The following IGSF11 variants were observed in gnomAD, a reference collection of about 807,000 sequenced individuals.
IGSF11 encodes immunoglobulin superfamily member 11, also known as CXADR like 1.
IGSF11 carries 22 observed loss-of-function variants against 41.0 expected under a neutral mutation model. The observed-to-expected ratio is 0.54, with a 90% CI of 0.38 to 0.77. IGSF11 has a LOEUF of 0.77. Ranked by LOEUF, IGSF11 falls within the 30% of genes least tolerant of loss-of-function variation. The probability of loss-of-function intolerance (pLI) is 0.00; values close to 1 mark genes in which losing one functional copy is unlikely to be tolerated. For synonymous variants in IGSF11, 219 were observed against 201.3 expected (o/e 1.09, Z -0.74); for missense variants, 444 against 530.8 (o/e 0.84, Z 1.61).
intron 1 of IGSF11, among the ~76,000 whole-genome samples, chr3:119,123,632 C>A (rs1391356798): frequency 6.6e-6 from 1 of 152,174 alleles, no homozygotes; most frequent in Non-Finnish European, 1.5e-5. Context: ...TCTGTCATCC[C>A]ACTCCCAGCT....
intron 1 of IGSF11, among the ~76,000 whole-genome samples, chr3:119,042,136 G>A (rs935864176): frequency 5.3e-5 from 8 of 152,174 alleles, no homozygotes; most frequent in African/African-American, 1.9e-4. Flanking sequence ...ACCACACTGA[G>A]GTTAAAGGAA....
chr3:118,909,937 T>C (rs148659492), intron 4 of IGSF11, among the ~76,000 whole-genome samples: 1 of 152,344 alleles, frequency 6.6e-6, no homozygotes, highest in East Asian at 1.9e-4. Context: ...TCAGCATTAT[T>C]TGAATAATGT....
chr3:119,092,089 G>A (rs1047092350), intron 1 of IGSF11, among the ~76,000 whole-genome samples: 5 of 151,350 alleles, frequency 3.3e-5, no homozygotes, highest in Non-Finnish European at 5.9e-5. Flanking sequence ...TCGGCTCACT[G>A]AAACCTCCGC....
chr3:119,084,961 C>T (rs1193128582), intron 1 of IGSF11, among the ~76,000 whole-genome samples: 8 of 152,110 alleles, frequency 5.3e-5, no homozygotes, highest in Non-Finnish European at 4.4e-5. Context: ...GGTTCACAGG[C>T]TGGTGTGGAA....
chr3:118,969,734 T>A (rs1243113978), intron 1 of IGSF11, among the ~76,000 whole-genome samples: 1 of 152,192 alleles, frequency 6.6e-6, no homozygotes, highest in Admixed American at 6.5e-5. Flanking sequence ...CAGGGTAATC[T>A]CAATTTCTGG....
chr3:119,075,950 CA>C (rs2076487642), intron 1 of IGSF11, among the ~76,000 whole-genome samples: 1 of 152,170 alleles, frequency 6.6e-6, no homozygotes. Flanking sequence ...CCCTCATTGA[CA>C]AGTCAATCCT....
chr3:119,062,443 C>T lies in IGSF11; in HGVS notation c.49+42701G>A, dbSNP rs116533311. Among the ~76,000 whole-genome samples, 837 of 152,290 alleles carry T rather than the reference C, an allele frequency of 5.5e-3. 6 individuals are homozygous for T. The highest frequency in any genetic ancestry group is 0.019 in the African/African-American group (776 of 41,560). On this transcript the variant is annotated intron_variant, in intron 1 of 6. Transcript: ENST00000354673. ...CTCTGTCCTTCCATTGAATTTGCACCGCTCTTGTGCAGTCTTTCATCAATT... is the reference window on the plus strand; with the variant it reads ...CTCTGTCCTTCCATTGAATTTGCACTGCTCTTGTGCAGTCTTTCATCAATT...
chr3:119,135,122 T>C (rs535535350), intron 1 of IGSF11, among the ~76,000 whole-genome samples: 1 of 152,128 alleles, frequency 6.6e-6, no homozygotes, highest in Non-Finnish European at 1.5e-5. Context: ...GAAGAAAACC[T>C]AGGCAATACC....
intron 1 of IGSF11, among the ~76,000 whole-genome samples, chr3:118,965,179 T>C (rs1258220018): frequency 6.6e-6 from 1 of 152,176 alleles, no homozygotes; most frequent in Non-Finnish European, 1.5e-5. Flanking sequence ...TACTTTAGCA[T>C]ATAATTTTAG....
intron 1 of IGSF11, among the ~76,000 whole-genome samples, chr3:119,111,123 T>C (rs1655738837): frequency 6.6e-6 from 1 of 152,168 alleles, no homozygotes; most frequent in African/African-American, 2.4e-5. Context: ...ATTTCCTGTA[T>C]CTGAATGTTG....
chr3:119,020,627 C>A (rs1260960214), intron 1 of IGSF11, among the ~76,000 whole-genome samples: 1 of 152,206 alleles, frequency 6.6e-6, no homozygotes, highest in Admixed American at 6.5e-5. Context: ...TATCCTCAGA[C>A]GCCTGAAGCA....
At chr3:118,934,952 T>C (rs1943127143) in intron 1 of IGSF11, among the ~76,000 whole-genome samples, 1 of 152,084 alleles carries the variant, frequency 6.6e-6, no homozygotes, top group Non-Finnish European at 1.5e-5. Context: ...AACCTACTCA[T>C]AAACCCCAGC....
intron 1 of IGSF11, among the ~76,000 whole-genome samples, chr3:119,030,740 TG>T (rs2107733438): frequency 6.6e-6 from 1 of 152,280 alleles, no homozygotes; most frequent in Admixed American, 6.5e-5. Flanking sequence ...ATCCTCCAGA[TG>T]GTGTGGGGGC....
At chr3:119,068,858 G>T (rs1553725137) in intron 1 of IGSF11, among the ~76,000 whole-genome samples, 1 of 149,454 alleles carries the variant, frequency 6.7e-6, no homozygotes, top group Non-Finnish European at 1.5e-5. Flanking sequence ...TCTTTCTTAA[G>T]TAAAGCATGC....
chr3:119,072,804 G>C (rs548289356), intron 1 of IGSF11, among the ~76,000 whole-genome samples: 8 of 152,290 alleles, frequency 5.3e-5, no homozygotes, highest in South Asian at 4.2e-4. Flanking sequence ...AGCTTCCACA[G>C]TGTGGAAGGG....
At chr3:118,907,420 T>A (rs935370094) in intron 4 of IGSF11, among the ~76,000 whole-genome samples, 1 of 152,028 alleles carries the variant, frequency 6.6e-6, no homozygotes, top group Non-Finnish European at 1.5e-5. Flanking sequence ...AATTACAATA[T>A]ATGGAATAAG....
chr3:119,000,697 T>C (rs1936735121), intron 1 of IGSF11, among the ~76,000 whole-genome samples: 1 of 152,178 alleles, frequency 6.6e-6, no homozygotes, highest in African/African-American at 2.4e-5. Context: ...TTAATCAGGA[T>C]GATAATTTTG....
intron 4 of IGSF11, among the ~76,000 whole-genome samples, chr3:118,921,961 C>A (rs920616163): frequency 1.3e-5 from 2 of 151,850 alleles, no homozygotes; most frequent in Middle Eastern, 3.4e-3. Context: ...AAAGGAAAAG[C>A]TGCCAAACTC....
chr3:119,076,338 G>T (rs983862140), intron 1 of IGSF11, among the ~76,000 whole-genome samples: 2 of 152,168 alleles, frequency 1.3e-5, no homozygotes, highest in Non-Finnish European at 2.9e-5. Flanking sequence ...TACCATTTAG[G>T]ACATAGGCAT....
Sources: allele counts gnomAD v4.1 joint callset (sites outside exome capture counted in the v4.1 genomes callset), GRCh38; gene constraint gnomAD v4.1.1; transcripts MANE v1.5; gene names NCBI Gene and HGNC (gene_info 2026-07-23, HGNC 2026-07-21).